IFNG-AS1: variants seen among roughly 807,000 people sequenced by gnomAD.
IFNG-AS1 encodes IFNG regulatory antisense RNA 1, also known as IFNG antisense RNA 1 (non-protein coding).
At chr12:67,998,723 C>T (rs1349499848) in intron 2 of IFNG-AS1, among the ~76,000 whole-genome samples, 1 of 152,018 alleles carries the variant, frequency 6.6e-6, no homozygotes, top group Non-Finnish European at 1.5e-5. Context: ...CAATTACAAA[C>T]CACACTGAAG....
chr12:68,018,925 C>T (rs562302534), intron 3 of IFNG-AS1, among the ~76,000 whole-genome samples: 21 of 151,940 alleles, frequency 1.4e-4, no homozygotes, highest in Admixed American at 7.2e-4. Flanking sequence ...TAAGAGGATC[C>T]GTGGTTTTTA....
intron 2 of IFNG-AS1, among the ~76,000 whole-genome samples, chr12:67,998,533 G>A (rs975897594): frequency 3.9e-5 from 6 of 152,028 alleles, no homozygotes; most frequent in African/African-American, 1.4e-4. Flanking sequence ...AGGAGTTGGG[G>A]TGCAGGGGAT....
At chr12:68,006,613 C>T (rs1879911130) in intron 3 of IFNG-AS1, among the ~76,000 whole-genome samples, 2 of 152,102 alleles carry the variant, frequency 1.3e-5, no homozygotes, top group African/African-American at 4.8e-5. Flanking sequence ...ATAATTAAGG[C>T]CTCAAATCAG....
rs116417302 is a variant in IFNG-AS1, at chr12:67,996,471, C to A, written n.184+398C>A. On this transcript the variant is annotated intron_variant and non_coding_transcript_variant, in intron 2 of 5. Transcript: ENST00000536914. ...TTTGTTATTTTTATAACTACAAAAT[C>A]TTGTATAGTTTTCTACACCTATAAA... Among the ~76,000 whole-genome samples the A allele has an allele frequency of 4.8e-3, 737 of 152,242 alleles. 6 individuals carry two copies. Among genetic ancestry groups the A allele is most frequent in the African/African-American group, 0.017 (687 of 41,538 alleles).
At chr12:68,010,293 C>CT (rs1351252194) in intron 3 of IFNG-AS1, among the ~76,000 whole-genome samples, 1 of 152,188 alleles carries the variant, frequency 6.6e-6, no homozygotes, top group African/African-American at 2.4e-5. Flanking sequence ...TTTTTCAAAG[C>CT]TGAGTAATGT....
At chr12:68,019,022 C>CTCATCA (rs1472862565) in intron 3 of IFNG-AS1, among the ~76,000 whole-genome samples, 2 of 152,162 alleles carry the variant, frequency 1.3e-5, no homozygotes, top group East Asian at 3.9e-4. Flanking sequence ...GCAGGAGGTA[C>CTCATCA]TCATCATACA....
At chr12:67,993,844 A>T (rs972821686) in intron 1 of IFNG-AS1, among the ~76,000 whole-genome samples, 23 of 152,196 alleles carry the variant, frequency 1.5e-4, no homozygotes, top group Non-Finnish European at 3.1e-4. Flanking sequence ...TCTGAGTTGA[A>T]CATAGGTTTG....
At chr12:68,017,708 C>T (rs1332846199) in intron 3 of IFNG-AS1, among the ~76,000 whole-genome samples, 1 of 152,110 alleles carries the variant, frequency 6.6e-6, no homozygotes, top group African/African-American at 2.4e-5. Flanking sequence ...ACTCTGATGG[C>T]TGACCCTATT....
chr12:68,018,757 A>G (rs994448752), intron 3 of IFNG-AS1, among the ~76,000 whole-genome samples: 3 of 146,458 alleles, frequency 2.0e-5, no homozygotes. Flanking sequence ...CTTTTTTTTT[A>G]TTTTGTTTTG....
chr12:67,993,373 T>A (rs977417081), intron 1 of IFNG-AS1, among the ~76,000 whole-genome samples: 12 of 152,134 alleles, frequency 7.9e-5, no homozygotes, highest in Non-Finnish European at 1.5e-4. Context: ...CACTATATAG[T>A]TATAAAATAC....
At chr12:68,010,705 T>C (rs747881291) in intron 3 of IFNG-AS1, among the ~76,000 whole-genome samples, 3 of 152,204 alleles carry the variant, frequency 2.0e-5, no homozygotes, top group African/African-American at 4.8e-5. Flanking sequence ...AACACAAGAA[T>C]ACAACCTCCT....
intron 2 of IFNG-AS1, chr12:68,001,670 G>A (rs192808692): frequency 6.6e-6 from 1 of 152,488 alleles, no homozygotes; most frequent in African/African-American, 2.4e-5. Context: ...GAGGTCACCT[G>A]ATTTTACCAC....
intron 4 of IFNG-AS1, chr12:68,020,859 C>T (rs1592832608): frequency 6.6e-6 from 1 of 152,306 alleles, no homozygotes; most frequent in Admixed American, 6.5e-5. Context: ...TTTTGACACA[C>T]ATCCTCTAAA....
intron 2 of IFNG-AS1, among the ~76,000 whole-genome samples, chr12:68,002,096 A>T (rs1380899414): frequency 2.0e-5 from 3 of 152,248 alleles, no homozygotes; most frequent in African/African-American, 4.8e-5. Flanking sequence ...GAAAAATATT[A>T]CCTGGTTAAT....
chr12:67,994,192 A>G (rs1172650008), intron 1 of IFNG-AS1, among the ~76,000 whole-genome samples: 1 of 152,260 alleles, frequency 6.6e-6, no homozygotes, highest in Non-Finnish European at 1.5e-5. Flanking sequence ...TTGCACCTTC[A>G]TACAGTGACA....
intron 3 of IFNG-AS1, among the ~76,000 whole-genome samples, chr12:68,015,177 C>G (rs1014000087): frequency 2.0e-5 from 3 of 152,108 alleles, no homozygotes; most frequent in African/African-American, 4.8e-5. Flanking sequence ...TAAAGCAAGC[C>G]AGATGGACAC....
At chr12:68,001,434 A>G in intron 2 of IFNG-AS1, 1 of 234,904 alleles carries the variant, frequency 4.3e-6, no homozygotes, top group Non-Finnish European at 8.8e-6. Flanking sequence ...CTCCTCTTGG[A>G]GTCGTAGGTG....
At chr12:68,001,646 A>G (rs575492036) in intron 2 of IFNG-AS1, 1 of 152,506 alleles carries the variant, frequency 6.6e-6, no homozygotes, top group South Asian at 2.1e-4. Context: ...TGGAGAATTC[A>G]AAGAAAAATA....
chr12:68,000,897 C>T (rs983871935), intron 2 of IFNG-AS1, among the ~76,000 whole-genome samples: 2 of 151,944 alleles, frequency 1.3e-5, no homozygotes, highest in East Asian at 1.9e-4. Context: ...ATCTTAGAGT[C>T]GAATTTTATG....
Sources: gnomAD v4.1 joint callset for allele counts (sites outside exome capture counted in the v4.1 genomes callset) on GRCh38, gnomAD v4.1.1 for gene constraint, MANE v1.5 for transcripts, NCBI Gene and HGNC (gene_info 2026-07-23, HGNC 2026-07-21) for gene names.